PDXDC1: variants seen among roughly 807,000 people sequenced by gnomAD.
PDXDC1 encodes the protein pyridoxal-dependent decarboxylase domain-containing protein 1.
PDXDC1 carries 42 observed loss-of-function variants against 100.1 expected under a neutral mutation model. The ratio of observed to expected loss-of-function variants is 0.42; its 90% CI spans 0.33 to 0.54. The LOEUF is 0.54. Ranked by LOEUF, PDXDC1 falls within the 20% of genes least tolerant of loss-of-function variation. The pLI is 0.10. For synonymous variants in PDXDC1, 260 were observed against 371.7 expected, an observed-to-expected ratio of 0.70 and a Z score of 3.46; for missense variants, 636 against 979.2, an observed-to-expected ratio of 0.65 and a Z score of 4.68.
At chr16:15,032,134 C>A (rs2043104906) in intron 17 of PDXDC1, 1 of 559,776 alleles carries the variant, frequency 1.8e-6, no homozygotes, top group Non-Finnish European at 3.2e-6. Flanking sequence ...TCTGTAGGTG[C>A]CGACTCTCAG....
chr16:14,988,774 T>G, intron 1 of PDXDC1: 3 of 1,613,844 alleles, frequency 1.9e-6, no homozygotes, highest in Non-Finnish European at 2.5e-6. Context: ...TGGTTCTCTG[T>G]GAACTGCAGC....
intron 16 of PDXDC1, chr16:15,132,952 G>A (rs1255361561): frequency 6.4e-6 from 10 of 1,571,132 alleles, no homozygotes; most frequent in African/African-American, 4.0e-5. Flanking sequence ...CACGACTCCC[G>A]GGGTGCAGTT....
intron 1 of PDXDC1, chr16:14,988,257 A>C (rs1354504593): frequency 4.3e-5 from 69 of 1,613,534 alleles, no homozygotes; most frequent in Admixed American, 6.7e-5. Context: ...CTGTTAGTTC[A>C]CTCAGACACT....
intron 16 of PDXDC1, among the ~76,000 whole-genome samples, chr16:15,091,854 A>G (rs2046141588): frequency 6.6e-6 from 1 of 152,162 alleles, no homozygotes; most frequent in African/African-American, 2.4e-5. Context: ...TTACTGTCCC[A>G]AAGTAATGCT....
At chr16:15,046,942 G>T (rs551233002) in intron 16 of PDXDC1, among the ~76,000 whole-genome samples, 1 of 152,094 alleles carries the variant, frequency 6.6e-6, no homozygotes, top group East Asian at 1.9e-4. Flanking sequence ...CATCTTCCTG[G>T]CCTCGTTTTC....
chr16:15,150,588 G>C, the PDXDC1 span: 1 of 148,232 alleles, frequency 6.7e-6, no homozygotes, highest in Non-Finnish European at 1.5e-5. Flanking sequence ...AGAATCGCTT[G>C]AACCCGGGAG....
downstream of PDXDC1, among the ~76,000 whole-genome samples, chr16:15,039,362 C>A (rs563222023): frequency 6.6e-6 from 1 of 152,274 alleles, no homozygotes; most frequent in East Asian, 1.9e-4. Context: ...GAGAAGATTT[C>A]TTTGGGGTGG....
intron 16 of PDXDC1, chr16:15,126,835 T>C: frequency 5.8e-6 from 1 of 172,234 alleles, no homozygotes; most frequent in Non-Finnish European, 1.3e-5. Context: ...TTTTTGTATT[T>C]GTAGTAGAGA....
chr16:15,006,274 C>T (rs1362887577), intron 5 of PDXDC1, 120 bp from the exon 6 acceptor site: 10 of 828,168 alleles, frequency 1.2e-5, no homozygotes, highest in Non-Finnish European at 1.7e-5. Flanking sequence ...TTCCTGTCCT[C>T]TCTGCCTGAT....
chr16:15,062,806 T>C (rs1018353202), intron 16 of PDXDC1, among the ~76,000 whole-genome samples: 25 of 152,330 alleles, frequency 1.6e-4, no homozygotes, highest in African/African-American at 5.5e-4. Flanking sequence ...ACTCTTTAAA[T>C]AACAACAAAA....
chr16:15,133,741 G>C (rs1245335748), intron 16 of PDXDC1: 2 of 1,599,792 alleles, frequency 1.3e-6, no homozygotes, highest in Non-Finnish European at 1.7e-6. Context: ...GGAGGGCTCC[G>C]TGACGTCACA....
chr16:15,127,906 C>T, intron 16 of PDXDC1: 2 of 1,453,162 alleles, frequency 1.4e-6, no homozygotes. Context: ...ACCTAGAAGG[C>T]AGGGAGGGCC....
At chr16:15,125,759 T>C (rs757168356) in intron 16 of PDXDC1, 173 of 1,513,398 alleles carry the variant, frequency 1.1e-4, no homozygotes, top group African/African-American at 5.6e-4. Context: ...CAGCTGTCGA[T>C]GTCCAGCACC....
At chr16:15,107,532 C>CT (rs1236279773) in intron 16 of PDXDC1, 1 of 463,168 alleles carries the variant, frequency 2.2e-6, no homozygotes, top group Admixed American at 6.2e-5. Context: ...AAGATCCCCC[C>CT]TGCAACCTTC....
chr16:15,097,468 C>CAAAAAAAA (rs71152407), intron 16 of PDXDC1, among the ~76,000 whole-genome samples: 30 of 65,848 alleles, frequency 4.6e-4, no homozygotes, highest in African/African-American at 1.4e-3. Flanking sequence ...ACTAAAAATA[C>CAAAAAAAA]AAAAAAAAAA....
At chr16:14,990,890 G>C (rs1970622781) in intron 1 of PDXDC1, among the ~76,000 whole-genome samples, 1 of 152,378 alleles carries the variant, frequency 6.6e-6, no homozygotes, top group East Asian at 1.9e-4. Flanking sequence ...ACAGGCATAC[G>C]TGACCATGCC....
chr16:14,975,417 C>A (rs1446401413), intron 1 of PDXDC1, 197 bp downstream of exon 1: 2 of 985,176 alleles, frequency 2.0e-6, no homozygotes, highest in African/African-American at 3.5e-5. Flanking sequence ...TCTTGGGTCC[C>A]CGTGGGCCGA....
intron 16 of PDXDC1, chr16:15,127,726 T>A: frequency 4.0e-6 from 6 of 1,516,574 alleles, no homozygotes; most frequent in Non-Finnish European, 4.5e-6. Flanking sequence ...CCACACGGCG[T>A]TGGCGCCCAG....
chr16:15,061,625 G>A (rs111380968), intron 16 of PDXDC1: 17 of 896,320 alleles, frequency 1.9e-5, no homozygotes, highest in Admixed American at 2.6e-5. Flanking sequence ...TGCCACAGCC[G>A]AGGCAGGCAC....
Sources: gnomAD v4.1 joint callset for allele counts (sites outside exome capture counted in the v4.1 genomes callset) on GRCh38, gnomAD v4.1.1 for gene constraint, MANE v1.5 for transcripts, NCBI Gene and HGNC (gene_info 2026-07-23, HGNC 2026-07-21) for gene names.